Variants in CNTN5 observed in about 807,000 individuals in gnomAD.
CNTN5 encodes contactin-5.
CNTN5 carries 77 observed loss-of-function variants against 129.1 expected under a neutral mutation model. The observed-to-expected ratio is 0.60, with a 90% CI of 0.50 to 0.72. The LOEUF is 0.72. Among genes scored for constraint, CNTN5 ranks in the 30% least tolerant of loss-of-function variants. CNTN5 has a pLI of 0.00. For synonymous variants in CNTN5, 509 were observed against 465.6 expected (o/e 1.09, Z -1.20); for missense variants, 1,478 against 1,328.8 (o/e 1.11, Z -1.75).
At chr11:99,901,823 T>C (rs568202627) in intron 6 of CNTN5, among the ~76,000 whole-genome samples, 2 of 152,344 alleles carry the variant, frequency 1.3e-5, no homozygotes, top group African/African-American at 4.8e-5. Context: ...GATACAAGGA[T>C]ACATATGCTA....
At chr11:99,200,573 A>G (rs899193170) in intron 1 of CNTN5, among the ~76,000 whole-genome samples, 3 of 152,190 alleles carry the variant, frequency 2.0e-5, no homozygotes, top group African/African-American at 4.8e-5. Context: ...CCTGTTGGCA[A>G]CTTGCCCACT....
intron 9 of CNTN5, among the ~76,000 whole-genome samples, chr11:100,003,173 AAAC>A (rs1157537229): frequency 6.6e-6 from 1 of 152,196 alleles, no homozygotes; most frequent in African/African-American, 2.4e-5. Context: ...CTTTAAGTAG[AAAC>A]AACATCATAA....
chr11:99,776,736 C>G (rs553137691), intron 3 of CNTN5, among the ~76,000 whole-genome samples: 3 of 151,278 alleles, frequency 2.0e-5, no homozygotes, highest in African/African-American at 7.3e-5. Flanking sequence ...ATGTGGAACA[C>G]GCTTTATTAC....
chr11:99,848,656 G>T (rs866599677), intron 6 of CNTN5, among the ~76,000 whole-genome samples: 6 of 152,120 alleles, frequency 3.9e-5, no homozygotes, highest in Middle Eastern at 3.4e-3. Flanking sequence ...AGCTATTCTT[G>T]AGGCATATTT....
chr11:99,849,419 G>A (rs766624224), intron 6 of CNTN5, among the ~76,000 whole-genome samples: 1 of 151,640 alleles, frequency 6.6e-6, no homozygotes, highest in South Asian at 2.1e-4. Context: ...CTTAATGCTA[G>A]GAGTACTCTT....
intron 2 of CNTN5, among the ~76,000 whole-genome samples, chr11:99,525,659 G>A (rs1179360822): frequency 6.6e-6 from 1 of 152,222 alleles, no homozygotes; most frequent in Non-Finnish European, 1.5e-5. Flanking sequence ...GAAATGCATA[G>A]ACTTGCTAGA....
At chr11:99,817,843 G>C (rs1273550780) in intron 3 of CNTN5, among the ~76,000 whole-genome samples, 1 of 139,286 alleles carries the variant, frequency 7.2e-6, no homozygotes, top group African/African-American at 2.6e-5. Context: ...CCCAAGGGAG[G>C]TTAACTCTTT....
intron 6 of CNTN5, among the ~76,000 whole-genome samples, chr11:99,846,983 TAATC>T (rs1282154390): frequency 1.3e-5 from 2 of 152,200 alleles, no homozygotes; most frequent in Non-Finnish European, 2.9e-5. Context: ...TATGCACAAT[TAATC>T]AAGTAGCCTA....
intron 2 of CNTN5, among the ~76,000 whole-genome samples, chr11:99,465,590 T>C (rs1944899497): frequency 6.6e-6 from 1 of 151,316 alleles, no homozygotes; most frequent in African/African-American, 2.4e-5. Context: ...ACTTGGTATA[T>C]AGTAGGAAAT....
intron 3 of CNTN5, among the ~76,000 whole-genome samples, chr11:99,613,227 A>C: frequency 6.6e-6 from 1 of 152,196 alleles, no homozygotes; most frequent in East Asian, 1.9e-4. Flanking sequence ...AGGTGGAGGT[A>C]GTTAAATCAT....
chr11:99,911,272 C>T (rs1949652048), intron 6 of CNTN5, among the ~76,000 whole-genome samples: 4 of 151,922 alleles, frequency 2.6e-5, no homozygotes, highest in Admixed American at 2.6e-4. Context: ...ATCCTTGGAG[C>T]ACTGATAGTC....
chr11:99,206,520 A>C (rs2135651276), intron 1 of CNTN5, among the ~76,000 whole-genome samples: 1 of 152,068 alleles, frequency 6.6e-6, no homozygotes, highest in Non-Finnish European at 1.5e-5. Context: ...TTCATCAATA[A>C]ATTTACGTTT....
intron 21 of CNTN5, chr11:100,309,072 TATG>T: frequency 1.0e-6 from 1 of 985,144 alleles, no homozygotes; most frequent in Non-Finnish European, 1.2e-6. Flanking sequence ...ATGAATATTT[TATG>T]ATAACAAGGT....
At position 99,713,657 on chromosome 11, in the gene CNTN5, A is replaced by G. The variant is rs533981465; in HGVS notation, c.56-105887A>G. 9.9e-5 allele frequency among the ~76,000 whole-genome samples: 15 copies of G among 152,106 alleles called. No individual in the cohort carries two copies. In the East Asian group the frequency reaches 2.7e-3, roughly 28 times the overall value. On this transcript the variant is annotated intron_variant, in intron 3 of 24. Coordinates refer to ENST00000524871, the MANE Select transcript of CNTN5 (RefSeq NM_014361.4). ...TATGGAACCCAATGTGCTGTTAACT[A>G]TTAAGACTTCGTCTCTTTTTTACCA...
intron 2 of CNTN5, among the ~76,000 whole-genome samples, chr11:99,532,505 G>C (rs550797600): frequency 6.6e-6 from 1 of 152,042 alleles, no homozygotes; most frequent in African/African-American, 2.4e-5. Context: ...GAGGGGCCAG[G>C]GCAGAATGAT....
chr11:99,192,781 A>G (rs116812097), intron 1 of CNTN5, among the ~76,000 whole-genome samples: 1,763 of 152,210 alleles, frequency 0.012, 40 homozygotes, highest in African/African-American at 0.04. Context: ...CTGAAAACAG[A>G]AATGACAGAT....
chr11:99,927,006 AG>A, intron 7 of CNTN5, among the ~76,000 whole-genome samples: 1 of 152,186 alleles, frequency 6.6e-6, no homozygotes, highest in African/African-American at 2.4e-5. Flanking sequence ...AGTGTAATTG[AG>A]TGAGACTAAT....
chr11:99,350,543 A>T (rs1234286867), intron 2 of CNTN5, among the ~76,000 whole-genome samples: 1 of 152,150 alleles, frequency 6.6e-6, no homozygotes, highest in Non-Finnish European at 1.5e-5. Flanking sequence ...ATTACCTAAA[A>T]CTAGGAAGAG....
intron 1 of CNTN5, among the ~76,000 whole-genome samples, chr11:99,083,699 TACA>T (rs1005845702): frequency 2.0e-4 from 30 of 152,224 alleles, no homozygotes; most frequent in African/African-American, 7.2e-4. Context: ...TTTCAAAATA[TACA>T]ACATTTTTAG....
Sources: allele counts gnomAD v4.1 joint callset (sites outside exome capture counted in the v4.1 genomes callset), GRCh38; gene constraint gnomAD v4.1.1; transcripts MANE v1.5; gene names NCBI Gene and HGNC (gene_info 2026-07-23, HGNC 2026-07-21).